Variants in TBCK observed in about 807,000 individuals in gnomAD.
TBCK encodes TBC domain-containing protein kinase-like protein.
Under a neutral mutation model 113.4 loss-of-function variants are expected in TBCK, and 99 were observed. The ratio of observed to expected loss-of-function variants is 0.87; its 90% CI spans 0.74 to 1.03. The LOEUF (loss-of-function observed/expected upper bound fraction) is 1.03, where lower values mean the gene tolerates loss of function less well. TBCK is among the 50% of genes least tolerant of loss of function. TBCK has a pLI of 0.00. For synonymous variants in TBCK, 369 were observed against 370.8 expected, an observed-to-expected ratio of 1.00 and a Z score of 0.05; for missense variants, 1,045 against 1,061.3, an observed-to-expected ratio of 0.98 and a Z score of 0.21.
At chr4:106,116,155 A>C in intron 24 of TBCK, 48 bp downstream of exon 24, 1 of 1,545,532 alleles carries the variant, frequency 6.5e-7, no homozygotes, top group East Asian at 2.3e-5. Flanking sequence ...AAAGGATGCA[A>C]TACAAATAAG....
At chr4:106,122,309 C>G (rs1175310144) in intron 23 of TBCK, among the ~76,000 whole-genome samples, 4 of 152,110 alleles carry the variant, frequency 2.6e-5, no homozygotes, top group Admixed American at 6.5e-5. Flanking sequence ...CATACACTCT[C>G]CCAAGACTAA....
At chr4:106,170,662 A>T (rs577393614) in intron 23 of TBCK, among the ~76,000 whole-genome samples, 3 of 152,240 alleles carry the variant, frequency 2.0e-5, no homozygotes, top group East Asian at 3.9e-4. Flanking sequence ...GACCATATTT[A>T]TAAACTGTGT....
At position 106,044,162 on chromosome 4, in the gene TBCK, A is replaced by G. The variant is rs1329624192; in HGVS notation, c.*2408T>C. On this transcript the variant is annotated 3_prime_UTR_variant, in exon 26 of 26. Transcript: ENST00000394708. ...CACAAGGTCTTCATCCTCTCCTACT[A>G]CCTACCACCTTATTCAACTCAAATC... 1 of 152,044 alleles carries G rather than the reference A, an allele frequency of 6.6e-6. No individual in the cohort carries two copies. Among genetic ancestry groups the G allele is most frequent in the Non-Finnish European group, 1.5e-5 (1 of 68,018 alleles). The allele number at this position is 152,044 out of a possible 1,614,324, so 9.4% of individuals were successfully genotyped here.
At chr4:106,309,531 T>C (rs1767955228) in intron 1 of TBCK, among the ~76,000 whole-genome samples, 1 of 151,990 alleles carries the variant, frequency 6.6e-6, no homozygotes, top group Non-Finnish European at 1.5e-5. Flanking sequence ...CTTGAACTCC[T>C]GACCTCGTGA....
intron 19 of TBCK, among the ~76,000 whole-genome samples, chr4:106,228,336 T>C (rs1758466590): frequency 8.3e-6 from 1 of 120,238 alleles, no homozygotes; most frequent in South Asian, 2.6e-4. Flanking sequence ...ATTTATTCTT[T>C]CGGTTATTTT....
rs138119307 is a variant in TBCK at position 106,087,521 on chromosome 4, G to T, written c.2571+7961C>A. ...GCCATACTGCCCAAAGTAAGTTACA[G>T]ATTCAGTGCTATTCCCATCACACTA... On this transcript the variant is annotated intron_variant, in intron 25 of 25. Coordinates refer to ENST00000394708, the MANE Select transcript of TBCK (RefSeq NM_001163435.3). 5.0e-4 allele frequency among the ~76,000 whole-genome samples: 76 copies of T among 152,282 alleles called. No homozygotes were observed. The East Asian group carries it at 8.1e-3, about 16-fold the overall frequency.
Position 106,054,841 on chromosome 4 carries a change from C to T in TBCK, c.2572-8161G>A, listed in dbSNP as rs144067687. Among the ~76,000 whole-genome samples the T allele has an allele frequency of 1.4e-4, 21 of 151,690 alleles. No homozygotes were observed. The East Asian group carries it at 3.9e-3, about 28-fold the overall frequency. On this transcript the variant is annotated intron_variant, in intron 25 of 25. Coordinates refer to ENST00000394708, the MANE Select transcript of TBCK (RefSeq NM_001163435.3). ...GAATCTGACTGGCTCTGGTAAGAGT[C>T]AAATGCTAGTTGCTTTTATCTTTTA... is the stretch of plus-strand genomic sequence containing the variant.
intron 3 of TBCK, among the ~76,000 whole-genome samples, chr4:106,264,855 G>T (rs553610111): frequency 6.6e-6 from 1 of 151,712 alleles, no homozygotes; most frequent in African/African-American, 2.4e-5. Context: ...TTTCATGCAC[G>T]GCGCATCTGA....
intron 23 of TBCK, among the ~76,000 whole-genome samples, chr4:106,119,948 A>T (rs1308196223): frequency 6.6e-6 from 1 of 152,182 alleles, no homozygotes; most frequent in Non-Finnish European, 1.5e-5. Flanking sequence ...AATCAAAACC[A>T]CAATGTGAGA....
intron 25 of TBCK, among the ~76,000 whole-genome samples, chr4:106,087,705 A>T (rs1739673420): frequency 6.6e-6 from 1 of 152,246 alleles, no homozygotes; most frequent in Admixed American, 6.5e-5. Flanking sequence ...ACAGTGACCA[A>T]AACAGCATGG....
At chr4:106,231,974 T>C (rs1239540034) in intron 17 of TBCK, among the ~76,000 whole-genome samples, 195 bp from the exon 18 acceptor site, 2 of 151,804 alleles carry the variant, frequency 1.3e-5, no homozygotes, top group Non-Finnish European at 3.0e-5. Context: ...GTGTCCAATA[T>C]GAATCAGTTA....
At chr4:106,212,554 A>G (rs1756271436) in intron 20 of TBCK, among the ~76,000 whole-genome samples, 196 bp downstream of exon 20, 1 of 152,176 alleles carries the variant, frequency 6.6e-6, no homozygotes, top group Non-Finnish European at 1.5e-5. Flanking sequence ...GCTAAGAAAA[A>G]TGACTTATTT....
At chr4:106,101,150 C>A (rs1342110519) in intron 24 of TBCK, among the ~76,000 whole-genome samples, 1 of 152,094 alleles carries the variant, frequency 6.6e-6, no homozygotes, top group Admixed American at 6.6e-5. Context: ...CATTGCCTGG[C>A]AAAGCAGGTC....
At chr4:106,288,764 T>C (rs553038644) in intron 3 of TBCK, among the ~76,000 whole-genome samples, 99 of 152,354 alleles carry the variant, frequency 6.5e-4, no homozygotes, top group African/African-American at 2.3e-3. Flanking sequence ...TCTGAAAATC[T>C]GCAATCCAAA....
intron 23 of TBCK, among the ~76,000 whole-genome samples, chr4:106,152,294 AAG>A (rs1473490262): frequency 6.6e-6 from 1 of 152,000 alleles, no homozygotes; most frequent in African/African-American, 2.4e-5. Flanking sequence ...TAATCATAAA[AAG>A]ATGTTAAATT....
chr4:106,316,251 A>C, upstream of TBCK: 2 of 308,230 alleles, frequency 6.5e-6, no homozygotes, highest in Non-Finnish European at 1.2e-5. Flanking sequence ...CCTCACAGCC[A>C]CCGCGACCCA....
Position 106,227,264 on chromosome 4 carries a change from G to A in TBCK, c.1774+3099C>T, listed in dbSNP as rs1262423005. ...CTACACTGTAGACACAGATATATAG[G>A]AATGAACACATGATTCAATTTGCTT... On this transcript the variant is annotated intron_variant, in intron 19 of 25. Coordinates refer to ENST00000394708, the MANE Select transcript of TBCK (RefSeq NM_001163435.3). 2.0e-5 allele frequency among the ~76,000 whole-genome samples: 3 copies of A among 151,844 alleles called. No individual in the cohort carries two copies. The East Asian group carries it at 5.8e-4, about 29-fold the overall frequency.
At chr4:106,309,417 A>G (rs1767936355) in intron 1 of TBCK, among the ~76,000 whole-genome samples, 1 of 149,366 alleles carries the variant, frequency 6.7e-6, no homozygotes, top group Non-Finnish European at 1.5e-5. Context: ...GGTTCAAGCA[A>G]TTCTCCTTCC....
rs569465669 is a variant in TBCK, at chr4:106,258,154, C to T, written c.455+2283G>A. Among the ~76,000 whole-genome samples, 33 of 152,060 alleles carry T rather than the reference C, an allele frequency of 2.2e-4. 1 individual carries two copies. In the East Asian group the frequency reaches 6.4e-3, roughly 29 times the overall value. On this transcript the variant is annotated intron_variant, in intron 5 of 25. Transcript: ENST00000394708. ...AATGTAGTTCATCTTTTTTCAACAA[C>T]TTTCTCTTCTGTAGCATAGCATTTT...
Sources: gnomAD v4.1 joint callset for allele counts (sites outside exome capture counted in the v4.1 genomes callset) on GRCh38, gnomAD v4.1.1 for gene constraint, MANE v1.5 for transcripts, NCBI Gene and HGNC (gene_info 2026-07-23, HGNC 2026-07-21) for gene names.